The following IL17RD variants were observed in gnomAD, a reference collection of about 807,000 sequenced individuals.
IL17RD encodes the protein interleukin-17 receptor D.
A neutral mutation model predicts 80.5 loss-of-function variants in IL17RD; 52 were observed. The ratio of observed to expected loss-of-function variants is 0.65; its 90% CI spans 0.52 to 0.81. IL17RD has a LOEUF of 0.81. IL17RD is among the 40% of genes least tolerant of loss of function. The pLI is 0.00. For missense variants in IL17RD, 1,024 were observed against 955.1 expected (o/e 1.07, Z -0.95); for synonymous variants, 416 against 391.8 (o/e 1.06, Z -0.73).
intron 1 of IL17RD, among the ~76,000 whole-genome samples, chr3:57,121,606 T>C (rs1707339628): frequency 1.3e-5 from 2 of 152,188 alleles, no homozygotes; most frequent in South Asian, 4.1e-4. Flanking sequence ...CTTTCCTCCT[T>C]CTAGCCTCTC....
At chr3:57,120,170 C>A in intron 2 of IL17RD, 86 bp downstream of exon 2, 1 of 1,115,054 alleles carries the variant, frequency 9.0e-7, no homozygotes, top group Non-Finnish European at 1.4e-6. Context: ...AACCCCAAGA[C>A]TGCAGAGTCC....
chr3:57,168,498 C>T (rs1481626572), upstream of IL17RD, among the ~76,000 whole-genome samples: 1 of 152,178 alleles, frequency 6.6e-6, no homozygotes, highest in Non-Finnish European at 1.5e-5. Context: ...TGACATCCCT[C>T]AGGACCAGGG....
At chr3:57,105,552 A>AAAAAAAAAAATATATATATAT in intron 7 of IL17RD, among the ~76,000 whole-genome samples, 25 of 63,566 alleles carry the variant, frequency 3.9e-4, no homozygotes, top group African/African-American at 2.1e-3. Flanking sequence ...AAAAAAAAAA[A>AAAAAAAAAAATATATATATAT]ATATATATAT....
intron 3 of IL17RD, among the ~76,000 whole-genome samples, chr3:57,113,229 T>G (rs1707137390): frequency 6.6e-6 from 1 of 152,212 alleles, no homozygotes; most frequent in African/African-American, 2.4e-5. Context: ...TTTTTTCTTT[T>G]GTTTTTTATT....
At chr3:57,126,590 T>C (rs917437905) in intron 1 of IL17RD, among the ~76,000 whole-genome samples, 3 of 152,228 alleles carry the variant, frequency 2.0e-5, no homozygotes, top group African/African-American at 7.2e-5. Flanking sequence ...TTGGGCATTC[T>C]AAGCCATTTG....
chr3:57,101,112 G>A (rs1706816585), intron 11 of IL17RD, 67 bp downstream of exon 11: 1 of 1,313,330 alleles, frequency 7.6e-7, no homozygotes, highest in Non-Finnish European at 1.1e-6. Flanking sequence ...AGAGGAGAAG[G>A]CAGCGGGGAG....
chr3:57,122,460 C>T (rs1437407065), intron 1 of IL17RD, among the ~76,000 whole-genome samples: 1 of 152,216 alleles, frequency 6.6e-6, no homozygotes, highest in Non-Finnish European at 1.5e-5. Context: ...GAGAGCATTA[C>T]CACCTGAGCT....
intron 8 of IL17RD, among the ~76,000 whole-genome samples, 155 bp from the exon 9 acceptor site, chr3:57,103,300 A>G (rs1706880102): frequency 1.3e-5 from 2 of 152,174 alleles, no homozygotes; most frequent in Non-Finnish European, 2.9e-5. Flanking sequence ...TTGGAAAAGA[A>G]TGGCTGAGAC....
chr3:57,118,220 C>T (rs1277963815), intron 2 of IL17RD, among the ~76,000 whole-genome samples: 1 of 152,206 alleles, frequency 6.6e-6, no homozygotes, highest in Non-Finnish European at 1.5e-5. Flanking sequence ...GCAAATCTTT[C>T]ATTAGCATCT....
At chr3:57,104,490 G>C in intron 7 of IL17RD, 83 bp from the exon 8 acceptor site, 1 of 877,686 alleles carries the variant, frequency 1.1e-6, no homozygotes, top group East Asian at 2.6e-5. Context: ...AGAGCTGAAG[G>C]AGACTTGCCA....
intron 1 of IL17RD, among the ~76,000 whole-genome samples, chr3:57,128,250 G>A (rs75139370): frequency 0.026 from 3,909 of 152,208 alleles, 72 homozygotes; most frequent in Admixed American, 0.042. Flanking sequence ...AAAAAGACCC[G>A]GAGATCTTAA....
At chr3:57,167,966 G>T (rs2060355112), upstream of IL17RD, among the ~76,000 whole-genome samples, 1 of 152,140 alleles carries the variant, frequency 6.6e-6, no homozygotes, top group African/African-American at 2.4e-5. Context: ...GAGTAGCTGG[G>T]ATTACAGGCG....
chr3:57,160,915 C>T (rs1225547850), intron 1 of IL17RD, among the ~76,000 whole-genome samples: 1 of 152,100 alleles, frequency 6.6e-6, no homozygotes, highest in East Asian at 1.9e-4. Flanking sequence ...ACTGGAAGGC[C>T]CAGGGTGTCA....
chr3:57,156,002 C>A (rs533042647), intron 1 of IL17RD, among the ~76,000 whole-genome samples: 15 of 152,140 alleles, frequency 9.9e-5, no homozygotes, highest in Non-Finnish European at 1.9e-4. Flanking sequence ...ATTTTAATTT[C>A]CTGTAGAGTG....
intron 1 of IL17RD, among the ~76,000 whole-genome samples, chr3:57,136,106 T>C (rs1158217851): frequency 6.6e-6 from 1 of 152,104 alleles, no homozygotes; most frequent in African/African-American, 2.4e-5. Flanking sequence ...AACTGGCAAA[T>C]CCAGGAAGCA....
upstream of IL17RD, among the ~76,000 whole-genome samples, chr3:57,168,259 C>G (rs533745845): frequency 2.9e-4 from 44 of 152,324 alleles, 1 homozygote; most frequent in African/African-American, 9.4e-4. Context: ...ACTCATGTCA[C>G]CATATGATTG....
chr3:57,109,655 T>C lies in IL17RD; in HGVS notation c.432A>G (p.Gly144=). Residue 144 remains glycine, a splice_region_variant and synonymous_variant, in exon 5 of 13, where the codon GGA becomes GGG. Coordinates refer to ENST00000296318, the MANE Select transcript of IL17RD (RefSeq NM_017563.5). ...KQLNSSFKRT[G]MESQPFLNMK... ...TATTCAGGAAAGGTTGAGATTCCATTCCCTAAAAGGGAACAAAAACACAGT... is the reference window on the plus strand; with the variant it reads ...TATTCAGGAAAGGTTGAGATTCCATCCCCTAAAAGGGAACAAAAACACAGT... The C allele has an allele frequency of 6.2e-7, 1 of 1,612,696 alleles. No individual in the cohort carries two copies. Among genetic ancestry groups the C allele is most frequent in the Non-Finnish European group, 8.5e-7 (1 of 1,179,460 alleles).
At chr3:57,120,418 C>A in intron 1 of IL17RD, 105 bp from the exon 2 acceptor site, 1 of 766,870 alleles carries the variant, frequency 1.3e-6, no homozygotes, top group South Asian at 1.5e-5. Context: ...GACCCAGGGT[C>A]ATGCCAGTCC....
chr3:57,155,067 C>T (rs536160661), intron 1 of IL17RD, among the ~76,000 whole-genome samples: 2 of 152,256 alleles, frequency 1.3e-5, no homozygotes, highest in African/African-American at 4.8e-5. Flanking sequence ...CCGGCAAATC[C>T]GCAGCCCCGG....
Sources: allele counts gnomAD v4.1 joint callset (sites outside exome capture counted in the v4.1 genomes callset), GRCh38; gene constraint gnomAD v4.1.1; transcripts MANE v1.5; gene names NCBI Gene and HGNC (gene_info 2026-07-23, HGNC 2026-07-21).